The following CACNA1C variants were observed in gnomAD, a reference collection of about 807,000 sequenced individuals.
The protein encoded by CACNA1C is voltage-dependent L-type calcium channel subunit alpha-1C.
A neutral mutation model predicts 229.0 loss-of-function variants in CACNA1C; 30 were observed. That is an observed-to-expected ratio of 0.13 (90% CI 0.10 to 0.18). The LOEUF is 0.18. CACNA1C is among the 10% of genes least tolerant of loss of function. CACNA1C has a pLI of 1.00. For missense variants in CACNA1C, 1,658 were observed against 2,845.0 expected (o/e 0.58, Z 9.49); for synonymous variants, 1,114 against 1,132.5 (o/e 0.98, Z 0.33).
At position 2,159,809 on chromosome 12, in the gene CACNA1C, G is replaced by A. The variant is rs1007453996; in HGVS notation, c.477+39379G>A. Among the ~76,000 whole-genome samples, 8 of 152,186 alleles carry A rather than the reference G, an allele frequency of 5.3e-5. No homozygotes were observed. In the South Asian group the frequency reaches 1.7e-3, roughly 32 times the overall value. ...AGTAGAGACGGGGTTTCACCATGTT[G>A]GCCAGGCTGGTAGCGAACTCCTGAC... On this transcript the variant is annotated intron_variant, in intron 3 of 46. Coordinates refer to ENST00000399655, the MANE Select transcript of CACNA1C (RefSeq NM_000719.7).
intron 3 of CACNA1C, among the ~76,000 whole-genome samples, chr12:2,425,666 C>T (rs1398881666): frequency 6.6e-6 from 1 of 152,148 alleles, no homozygotes; most frequent in African/African-American, 2.4e-5. Context: ...GCTTTAAATG[C>T]ACTTACCTCA....
intron 3 of CACNA1C, among the ~76,000 whole-genome samples, chr12:2,193,037 A>G (rs879871429): frequency 6.6e-6 from 1 of 152,242 alleles, no homozygotes; most frequent in Non-Finnish European, 1.5e-5. Context: ...TTGCATTTGC[A>G]GGGTACACCC....
chr12:2,313,297 C>T (rs928561043), intron 3 of CACNA1C, among the ~76,000 whole-genome samples: 2 of 152,188 alleles, frequency 1.3e-5, no homozygotes, highest in African/African-American at 2.4e-5. Flanking sequence ...CCACTACATT[C>T]TGCGGGCTGA....
intron 3 of CACNA1C, among the ~76,000 whole-genome samples, chr12:2,203,084 A>G (rs2097645822): frequency 6.6e-6 from 1 of 152,214 alleles, no homozygotes; most frequent in South Asian, 2.1e-4. Context: ...CTTGATTTCC[A>G]TGCTGGGGGT....
In CACNA1C at chr12:2,691,133, G is replaced by A. The variant is rs761353690; in HGVS notation, c.6351G>A (p.Val2117=). The A allele has an allele frequency of 6.2e-7, 1 of 1,607,548 alleles. No homozygotes were observed. Among genetic ancestry groups the A allele is most frequent in the Non-Finnish European group, 8.5e-7 (1 of 1,175,336 alleles). The part of the protein sequence containing the change: ...RAGGEEDAGC[V]RARGRPSEEE... ...GGGGCGAAGAGGACGCGGGCTGTGT[G>A]CGCGCGCGGGGTCGACCGAGTGAGG... The change falls in exon 47 of 47, where the codon GTG becomes GTA. Residue 2117 remains valine (V), a synonymous_variant. Coordinates refer to ENST00000399655, the MANE Select transcript of CACNA1C (RefSeq NM_000719.7).
intron 1 of CACNA1C, among the ~76,000 whole-genome samples, chr12:2,039,062 T>G (rs759936904): frequency 2.0e-5 from 3 of 152,222 alleles, no homozygotes; most frequent in Non-Finnish European, 4.4e-5. Context: ...AAAAGACAGG[T>G]GCTGTGAATA....
chr12:2,069,794 A>G (rs1487454977), intron 1 of CACNA1C, among the ~76,000 whole-genome samples: 2 of 152,212 alleles, frequency 1.3e-5, no homozygotes, highest in Non-Finnish European at 2.9e-5. Context: ...ACATTATAGC[A>G]TAGACTCAAA....
chr12:2,053,168 G>A lies in CACNA1C; in HGVS notation c.-395G>A. ...GGACTCGCTGGGAGTGGGCAGAGGC[G>A]CCTCGGCCCCTGCCGGCCCAGGCGG... On this transcript the variant is annotated 5_prime_UTR_variant, in exon 1 of 47. Coordinates refer to ENST00000399655, the MANE Select transcript of CACNA1C (RefSeq NM_000719.7). The surrounding 1 kb of genome is among the most constrained non-coding windows in gnomAD (Gnocchi z 5.8). 1.0e-6 allele frequency: 1 copy of A among 992,404 alleles called. No individual in the cohort carries two copies. The highest frequency in any genetic ancestry group is 4.5e-5 in the South Asian group (1 of 22,046). 61.5% of individuals were successfully genotyped at this position (992,404 alleles called of 1,614,324 possible).
chr12:2,306,950 G>C (rs949812864), intron 3 of CACNA1C, among the ~76,000 whole-genome samples: 1 of 152,186 alleles, frequency 6.6e-6, no homozygotes, highest in African/African-American at 2.4e-5. Flanking sequence ...GAATTATGCT[G>C]TTGGCACTTC....
chr12:2,437,861 ATGGTGGTGG>A (rs1326857507), intron 3 of CACNA1C, among the ~76,000 whole-genome samples: 1 of 131,102 alleles, frequency 7.6e-6, no homozygotes, highest in East Asian at 2.5e-4. Context: ...GATGGTGGTG[ATGGTGGTGG>A]TAATGGTGGT....
intron 3 of CACNA1C, among the ~76,000 whole-genome samples, chr12:2,360,171 C>CCT (rs2097522430): frequency 2.7e-5 from 3 of 111,174 alleles, no homozygotes; most frequent in African/African-American, 1.2e-4. Flanking sequence ...CCCCCACCCC[C>CCT]CCACCCCACA....
intron 1 of CACNA1C, among the ~76,000 whole-genome samples, chr12:2,075,420 A>T (rs2062840419): frequency 1.3e-5 from 2 of 152,220 alleles, no homozygotes. Context: ...ACATTTATGG[A>T]AACCCATTTT....
intron 30 of CACNA1C, among the ~76,000 whole-genome samples, chr12:2,635,182 A>T (rs2092321595): frequency 6.6e-6 from 1 of 151,612 alleles, no homozygotes; most frequent in Non-Finnish European, 1.5e-5. Context: ...CTGACCTCTC[A>T]CACCCCTGCC....
chr12:2,271,735 C>CA (rs917762077), intron 3 of CACNA1C, among the ~76,000 whole-genome samples: 394 of 144,918 alleles, frequency 2.7e-3, no homozygotes, highest in African/African-American at 7.3e-3. Context: ...CCCATCTCTA[C>CA]AAAAAAAAAA....
chr12:2,524,789 C>T (rs1479186151), intron 9 of CACNA1C, among the ~76,000 whole-genome samples: 5 of 152,208 alleles, frequency 3.3e-5, no homozygotes, highest in East Asian at 1.9e-4. Context: ...GACACACCAT[C>T]GGCCGGAACA....
intron 3 of CACNA1C, among the ~76,000 whole-genome samples, chr12:2,310,348 A>ATATATAT (rs1555425781): frequency 5.9e-5 from 8 of 135,240 alleles, no homozygotes; most frequent in South Asian, 5.2e-4. Flanking sequence ...CAGTTAAAAA[A>ATATATAT]AAAAATATAT....
chr12:2,673,632 T>C (rs184881251), intron 38 of CACNA1C, among the ~76,000 whole-genome samples: 1 of 152,238 alleles, frequency 6.6e-6, no homozygotes, highest in African/African-American at 2.4e-5. Context: ...GGAATTCATT[T>C]GTTGCAATTG....
At chr12:2,270,418 C>T (rs548561746) in intron 3 of CACNA1C, among the ~76,000 whole-genome samples, 2 of 152,198 alleles carry the variant, frequency 1.3e-5, no homozygotes, top group African/African-American at 4.8e-5. Flanking sequence ...ACCTGGAGTG[C>T]CTTACACTTT....
intron 3 of CACNA1C, among the ~76,000 whole-genome samples, chr12:2,273,449 G>A (rs1267929551): frequency 6.6e-6 from 1 of 152,110 alleles, no homozygotes; most frequent in Non-Finnish European, 1.5e-5. Flanking sequence ...GGAAGTACAG[G>A]GCTGGCAGAG....
Sources: allele counts gnomAD v4.1 joint callset (sites outside exome capture counted in the v4.1 genomes callset), GRCh38; gene constraint gnomAD v4.1.1; non-coding constraint Gnocchi (gnomAD v3.1); transcripts MANE v1.5; gene names NCBI Gene and HGNC (gene_info 2026-07-23, HGNC 2026-07-21).